Variants in THNSL1 observed in about 807,000 individuals in gnomAD.
The protein encoded by THNSL1 is threonine synthase-like 1.
Under a neutral mutation model 50.4 loss-of-function variants are expected in THNSL1, and 48 were observed. That is an observed-to-expected ratio of 0.95 (90% confidence interval 0.76 to 1.21). THNSL1 has a LOEUF of 1.21. THNSL1 is among the 50% of genes most tolerant of loss of function. The probability of loss-of-function intolerance (pLI) is 0.00; values close to 1 mark genes in which losing one functional copy is unlikely to be tolerated. For missense variants in THNSL1, 896 were observed against 871.7 expected (o/e 1.03, Z -0.35); for synonymous variants, 309 against 306.1 (o/e 1.01, Z -0.10).
chr10:24,973,792 C>T, the THNSL1 span, among the ~76,000 whole-genome samples: 2 of 152,012 alleles, frequency 1.3e-5, no homozygotes, highest in African/African-American at 2.4e-5. Context: ...CTCCCTCTTT[C>T]GCCCAGGCTG....
chr10:24,961,247 T>A, the THNSL1 span, among the ~76,000 whole-genome samples: 2 of 152,164 alleles, frequency 1.3e-5, no homozygotes, highest in Non-Finnish European at 2.9e-5. Context: ...CTAAGTAAAA[T>A]AAACATATAA....
At chr10:24,973,589 A>G in the THNSL1 span, among the ~76,000 whole-genome samples, 1 of 152,206 alleles carries the variant, frequency 6.6e-6, no homozygotes, top group Non-Finnish European at 1.5e-5. Context: ...CTTATCCTTA[A>G]TCTTTTTATG....
At chr10:25,017,960 A>C (rs927316583) in intron 1 of THNSL1, among the ~76,000 whole-genome samples, 3 of 152,246 alleles carry the variant, frequency 2.0e-5, no homozygotes, top group African/African-American at 7.2e-5. Flanking sequence ...TCTAATTAGA[A>C]GGAACACCTT....
chr10:25,015,992 A>G, upstream of THNSL1: 1 of 1,573,678 alleles, frequency 6.4e-7, no homozygotes, highest in East Asian at 2.3e-5. Flanking sequence ...TCCCTGTCCC[A>G]GTATCTCCGT....
chr10:25,013,845 G>C (rs192366764), upstream of THNSL1, among the ~76,000 whole-genome samples: 32 of 152,200 alleles, frequency 2.1e-4, no homozygotes, highest in East Asian at 6.2e-3. Flanking sequence ...GGGAGGCTGA[G>C]GCAGGAGAAT....
chr10:24,953,218 C>T, the THNSL1 span: 1 of 152,678 alleles, frequency 6.5e-6, no homozygotes, highest in Non-Finnish European at 1.5e-5. Context: ...CTCCACCTCC[C>T]CTCACCTCCC....
At chr10:24,984,153 T>C in the THNSL1 span, 1 of 441,510 alleles carries the variant, frequency 2.3e-6, no homozygotes. Context: ...TTTTTCTTCC[T>C]CCAAATAGAA....
the THNSL1 span, among the ~76,000 whole-genome samples, chr10:25,011,485 G>T: frequency 6.6e-6 from 1 of 152,120 alleles, no homozygotes; most frequent in Non-Finnish European, 1.5e-5. Context: ...AATAGGGAAA[G>T]GATTCCCTAT....
the THNSL1 span, among the ~76,000 whole-genome samples, chr10:24,980,477 C>T: frequency 6.6e-6 from 1 of 151,994 alleles, no homozygotes; most frequent in Admixed American, 6.6e-5. Context: ...TTCCAAAACA[C>T]TAATTTCAAT....
At chr10:25,016,146 C>A, upstream of THNSL1, 1 of 1,223,164 alleles carries the variant, frequency 8.2e-7, no homozygotes, top group Middle Eastern at 3.2e-4. Context: ...GATTGCTAAG[C>A]GTCGTTGACT....
chr10:24,995,207 T>C, the THNSL1 span, among the ~76,000 whole-genome samples: 1 of 152,308 alleles, frequency 6.6e-6, no homozygotes, highest in Admixed American at 6.5e-5. Context: ...ACTGATGAGA[T>C]GGATGGCTCT....
the THNSL1 span, among the ~76,000 whole-genome samples, chr10:24,956,679 C>G: frequency 6.6e-6 from 1 of 152,098 alleles, no homozygotes; most frequent in Non-Finnish European, 1.5e-5. Context: ...AAAATTGTCT[C>G]TTCTAGCTGA....
the THNSL1 span, among the ~76,000 whole-genome samples, chr10:24,977,026 A>G: frequency 1.3e-5 from 2 of 152,356 alleles, no homozygotes; most frequent in East Asian, 3.9e-4. Flanking sequence ...GAATAAAAAC[A>G]TAGGCATTAA....
At chr10:25,013,422 CCAACCTTAGT>C (rs1308779176), upstream of THNSL1, among the ~76,000 whole-genome samples, 2 of 152,170 alleles carry the variant, frequency 1.3e-5, no homozygotes, top group African/African-American at 4.8e-5. Flanking sequence ...ATGGGAGAGA[CCAACCTTAGT>C]CAAAATCCAT....
chr10:24,995,765 C>A, the THNSL1 span: 1 of 1,613,972 alleles, frequency 6.2e-7, no homozygotes, highest in Non-Finnish European at 8.5e-7. Context: ...ATATCAGCTG[C>A]ATTTGTATTT....
chr10:24,995,863 T>A, the THNSL1 span: 1 of 1,601,150 alleles, frequency 6.2e-7, no homozygotes, highest in South Asian at 1.1e-5. Context: ...CCGATCAAAG[T>A]TTTTTTCTGT....
chr10:25,023,673 A>C lies in THNSL1; in HGVS notation c.450A>C (p.Ile150=), dbSNP rs771358715. ...ASMWHLKKNG[I]IVYLDVPLLD... ...TGTGGCATCTGAAGAAAAATGGAAT[A>C]ATTGTATACCTGGATGTACCTCTAC... Residue 150 remains isoleucine, a synonymous_variant, in exon 3 of 3, where the codon ATA becomes ATC. Coordinates refer to ENST00000376356, the MANE Select transcript of THNSL1 (RefSeq NM_024838.5). 302 of 1,613,980 alleles carry C rather than the reference A, an allele frequency of 1.9e-4. No homozygotes were observed. The highest frequency in any genetic ancestry group is 4.3e-5 in the Non-Finnish European group (51 of 1,180,010).
At chr10:24,973,894 C>T in the THNSL1 span, among the ~76,000 whole-genome samples, 2 of 152,280 alleles carry the variant, frequency 1.3e-5, no homozygotes, top group South Asian at 2.1e-4. Context: ...GCTGGGATTA[C>T]AGGCGTTCGC....
chr10:24,969,144 G>T, the THNSL1 span, among the ~76,000 whole-genome samples: 1 of 152,070 alleles, frequency 6.6e-6, no homozygotes, highest in Non-Finnish European at 1.5e-5. Context: ...TCCACCCGCC[G>T]CGGCCTGTCG....
Sources: gnomAD v4.1 joint callset for allele counts (sites outside exome capture counted in the v4.1 genomes callset) on GRCh38, gnomAD v4.1.1 for gene constraint, MANE v1.5 for transcripts, NCBI Gene and HGNC (gene_info 2026-07-23, HGNC 2026-07-21) for gene names.